Variants in LRRC56 observed in about 807,000 individuals in gnomAD.
LRRC56 encodes leucine-rich repeat-containing protein 56.
LRRC56 carries 41 observed loss-of-function variants against 47.8 expected under a neutral mutation model. The observed-to-expected ratio is 0.86, with a 90% CI of 0.67 to 1.11. The LOEUF (loss-of-function observed/expected upper bound fraction) is 1.11, where lower values mean the gene tolerates loss of function less well. Among genes scored for constraint, LRRC56 ranks in the 50% most tolerant of loss-of-function variants. The pLI, the probability that LRRC56 is intolerant of heterozygous loss-of-function variation, is 0.00. For missense variants in LRRC56, 759 were observed against 704.2 expected (o/e 1.08, Z -0.88); for synonymous variants, 387 against 311.2 (o/e 1.24, Z -2.56).
At chr11:510,253 G>T in the LRRC56 span, among the ~76,000 whole-genome samples, 2 of 152,226 alleles carry the variant, frequency 1.3e-5, no homozygotes, top group African/African-American at 4.8e-5. Flanking sequence ...AGACCCCGGG[G>T]AGAGAGGCAC....
In LRRC56 at chr11:547,907, C is replaced by G. The variant is rs1317104519; in HGVS notation, c.327-1995C>G. On this transcript the variant is annotated intron_variant, in intron 6 of 13. Coordinates refer to ENST00000270115, the MANE Select transcript of LRRC56 (RefSeq NM_198075.4). ...CTTTGGGAGGCCAAGGCGAGTGGAA[C>G]ATGAGGTCAGCAGTTCAAGACCAGC... 2.0e-5 allele frequency among the ~76,000 whole-genome samples: 3 copies of G among 151,974 alleles called. 1 individual carries two copies. Among genetic ancestry groups the G allele is most frequent in the South Asian group, 4.2e-4 (2 of 4,812 alleles).
intron 4 of LRRC56, 40 bp downstream of exon 4, chr11:540,901 C>T (rs543453339): frequency 1.3e-4 from 192 of 1,459,328 alleles, no homozygotes; most frequent in South Asian, 2.2e-4. Context: ...CAGAGGCCTC[C>T]GTGGGGTGAC....
chr11:538,359 G>A (rs1191875934), intron 1 of LRRC56, among the ~76,000 whole-genome samples: 1 of 152,204 alleles, frequency 6.6e-6, no homozygotes, highest in Admixed American at 6.5e-5. Flanking sequence ...GATGGAGGTG[G>A]CCAGAGTCTT....
At chr11:548,826 G>A (rs554447751) in intron 6 of LRRC56, among the ~76,000 whole-genome samples, 8 of 152,320 alleles carry the variant, frequency 5.3e-5, no homozygotes, top group African/African-American at 1.9e-4. Flanking sequence ...ACACTGGAAC[G>A]AAAGGCTTTG....
chr11:533,784 T>C (rs2133989967), upstream of LRRC56: 1 of 1,613,298 alleles, frequency 6.2e-7, no homozygotes, highest in Non-Finnish European at 8.5e-7. Flanking sequence ...GTGGATGTCC[T>C]CAAAAGACTT....
upstream of LRRC56, chr11:534,194 C>T (rs759743352): frequency 2.5e-6 from 4 of 1,582,892 alleles, no homozygotes; most frequent in African/African-American, 1.3e-5. Flanking sequence ...GGCACCTGGA[C>T]GGCGGCGCCA....
chr11:526,677 C>A, the LRRC56 span, among the ~76,000 whole-genome samples: 1 of 152,240 alleles, frequency 6.6e-6, no homozygotes, highest in Admixed American at 6.5e-5. Context: ...TGGCTCATGC[C>A]TGTAATCCCA....
intron 5 of LRRC56, among the ~76,000 whole-genome samples, chr11:543,993 C>A (rs1016810665): frequency 3.9e-5 from 6 of 152,222 alleles, no homozygotes; most frequent in African/African-American, 1.4e-4. Context: ...AGTGATCCAC[C>A]CACCTCAGCC....
rs779654893 is a variant in LRRC56 at position 554,259 on chromosome 11, A to T, written c.1612A>T (p.Ser538Cys). The T allele has an allele frequency of 6.7e-7, 1 of 1,494,776 alleles. No homozygotes were observed. Among genetic ancestry groups the T allele is most frequent in the Admixed American group, 2.3e-5 (1 of 44,164 alleles). 92.6% of individuals were successfully genotyped at this position (1,494,776 alleles called of 1,614,324 possible). A position where few individuals can be genotyped will look rare whatever the true frequency, so the allele number is the denominator to read the frequency against. The change falls in exon 14 of 14, where the codon AGC becomes TGC. Residue 538 changes from serine to cysteine, a missense_variant. By Grantham distance (112) the Ser-to-Cys change is moderately radical (BLOSUM62 -1). Transcript: ENST00000270115. ...CAGGGCAGCTGAACTCTCTCACCCC[A>T]GCCCCGTCCCCACTTAATATAGCCC... The part of the protein sequence containing the change: ...PPRAAELSHP[S>C]PVPT
chr11:511,744 C>T, the LRRC56 span, among the ~76,000 whole-genome samples: 1 of 152,230 alleles, frequency 6.6e-6, no homozygotes, highest in Non-Finnish European at 1.5e-5. Flanking sequence ...GCGTGACCCT[C>T]TCCTTCCCTC....
chr11:535,445 AGGGCCG>A (rs112488103), upstream of LRRC56: 13,007 of 146,640 alleles, frequency 0.089, 789 homozygotes, highest in Admixed American at 0.17. Context: ...CCCCGGGGCC[AGGGCCG>A]GGGCCGAGGC....
intron 9 of LRRC56, 39 bp from the exon 10 acceptor site, chr11:551,612 G>C (rs768539527): frequency 5.3e-6 from 8 of 1,523,444 alleles, no homozygotes; most frequent in Non-Finnish European, 6.2e-6. Flanking sequence ...GCGCTCTCAG[G>C]CTGGGCCTTG....
rs1363699662 is a variant in LRRC56 at position 539,630 on chromosome 11, T to C, written c.-108T>C. ...CCAGGATGGTCTCAATCTCCTGACC[T>C]CGTGATCTGCCCGCCGCGGCCTCCC... On this transcript the variant is annotated 5_prime_UTR_variant, in exon 3 of 14. Transcript: ENST00000270115. 2 of 150,296 alleles carry C rather than the reference T, an allele frequency of 1.3e-5. No individual in the cohort carries two copies. Among genetic ancestry groups the C allele is most frequent in the Non-Finnish European group, 2.9e-5 (2 of 67,842 alleles). The allele number at this position is 150,296 out of a possible 1,614,324, so 9.3% of individuals were successfully genotyped here.
chr11:533,825 G>C (rs1182602668), upstream of LRRC56: 1 of 1,613,374 alleles, frequency 6.2e-7, no homozygotes. Flanking sequence ...CACACAGGAA[G>C]CCCTCCCCGG....
chr11:510,255 G>C, the LRRC56 span, among the ~76,000 whole-genome samples: 1 of 152,218 alleles, frequency 6.6e-6, no homozygotes, highest in African/African-American at 2.4e-5. Context: ...ACCCCGGGGA[G>C]AGAGGCACCA....
the LRRC56 span, among the ~76,000 whole-genome samples, chr11:513,108 C>T: frequency 6.6e-6 from 1 of 152,236 alleles, no homozygotes; most frequent in African/African-American, 2.4e-5. Context: ...CAGGGGCCGT[C>T]GCAGAGCTGT....
At chr11:537,977 C>T (rs558166949) in intron 1 of LRRC56, among the ~76,000 whole-genome samples, 18 of 152,278 alleles carry the variant, frequency 1.2e-4, no homozygotes, top group Middle Eastern at 6.8e-3. Flanking sequence ...TGATGGCTAC[C>T]CACCAGGGAA....
At chr11:507,454 G>A in the LRRC56 span, among the ~76,000 whole-genome samples, 1 of 151,774 alleles carries the variant, frequency 6.6e-6, no homozygotes, top group Non-Finnish European at 1.5e-5. Context: ...CCCCCAGTAG[G>A]CGGGGCTTGG....
the LRRC56 span, among the ~76,000 whole-genome samples, chr11:518,966 G>A: frequency 1.3e-5 from 2 of 151,870 alleles, no homozygotes; most frequent in Non-Finnish European, 2.9e-5. Context: ...GGGAACTTGC[G>A]GCCCCAAGAC....
Sources: gnomAD v4.1 joint callset for allele counts (sites outside exome capture counted in the v4.1 genomes callset) on GRCh38, gnomAD v4.1.1 for gene constraint, MANE v1.5 for transcripts, NCBI Gene and HGNC (gene_info 2026-07-23, HGNC 2026-07-21) for gene names.